The following KIAA0825 variants were observed in gnomAD, a reference collection of about 807,000 sequenced individuals.
The protein encoded by KIAA0825 is KIAA0825.
Under a neutral mutation model 147.6 loss-of-function variants are expected in KIAA0825, and 119 were observed. The ratio of observed to expected loss-of-function variants is 0.81; its 90% CI spans 0.69 to 0.94. The LOEUF (loss-of-function observed/expected upper bound fraction) is 0.94. KIAA0825 is among the 40% of genes least tolerant of loss of function. KIAA0825 has a pLI of 0.00. For synonymous variants in KIAA0825, 470 were observed against 518.1 expected, an observed-to-expected ratio of 0.91 and a Z score of 1.26; for missense variants, 1,381 against 1,472.7, an observed-to-expected ratio of 0.94 and a Z score of 1.02.
intron 20 of KIAA0825, among the ~76,000 whole-genome samples, chr5:94,338,008 A>G (rs1562391470): frequency 2.0e-5 from 3 of 152,226 alleles, no homozygotes; most frequent in African/African-American, 7.2e-5. Flanking sequence ...AAAGTGGTGA[A>G]AATGAAACCA....
At chr5:94,237,395 C>T (rs1370021178) in intron 20 of KIAA0825, among the ~76,000 whole-genome samples, 1 of 152,078 alleles carries the variant, frequency 6.6e-6, no homozygotes, top group East Asian at 1.9e-4. Context: ...CGTTGCAAAG[C>T]AGGCAAAGGG....
intron 3 of KIAA0825, among the ~76,000 whole-genome samples, chr5:94,529,200 GTA>G (rs1374107597): frequency 1.4e-5 from 2 of 145,364 alleles, no homozygotes; most frequent in Non-Finnish European, 3.0e-5. Context: ...ATATGAAGTA[GTA>G]TATATATCAT....
chr5:94,417,105 C>G (rs1396871066), intron 15 of KIAA0825, 96 bp downstream of exon 15: 3 of 1,157,450 alleles, frequency 2.6e-6, no homozygotes, highest in Admixed American at 2.1e-5. Context: ...ACAACAGATT[C>G]AGCAAAACCA....
At chr5:94,420,366 G>T (rs530664944) in intron 14 of KIAA0825, among the ~76,000 whole-genome samples, 20 of 152,218 alleles carry the variant, frequency 1.3e-4, no homozygotes, top group African/African-American at 4.8e-4. Flanking sequence ...CACAAAAATA[G>T]TAAGAATATG....
intron 5 of KIAA0825, among the ~76,000 whole-genome samples, chr5:94,503,586 T>C (rs930086647): frequency 9.2e-5 from 14 of 152,178 alleles, no homozygotes; most frequent in African/African-American, 3.4e-4. Flanking sequence ...CAGAATAGAA[T>C]GTTGCTGACA....
rs1489881536 is a variant in KIAA0825, at chr5:94,152,393, T to C, written c.*1614A>G. Among the ~76,000 whole-genome samples the C allele has an allele frequency of 6.6e-6, 1 of 152,178 alleles. No homozygotes were observed. The highest frequency in any genetic ancestry group is 1.5e-5 in the Non-Finnish European group (1 of 68,034). On this transcript the variant is annotated 3_prime_UTR_variant, in exon 21 of 21. Coordinates refer to ENST00000682413, the MANE Select transcript of KIAA0825 (RefSeq NM_001145678.3). ...TCATATGGTCTAAAATAGCCCATGATGTAAGGCTTCTGGGCCTGGTGTGGT... is the reference window on the plus strand; with the variant it reads ...TCATATGGTCTAAAATAGCCCATGACGTAAGGCTTCTGGGCCTGGTGTGGT...
chr5:94,279,037 T>G (rs1189536291), intron 20 of KIAA0825, among the ~76,000 whole-genome samples: 1 of 152,064 alleles, frequency 6.6e-6, no homozygotes, highest in Non-Finnish European at 1.5e-5. Context: ...ATTTTATACA[T>G]GAAACCTAAG....
intron 20 of KIAA0825, among the ~76,000 whole-genome samples, chr5:94,175,473 G>A (rs1167120077): frequency 1.3e-5 from 2 of 152,126 alleles, no homozygotes; most frequent in Non-Finnish European, 2.9e-5. Flanking sequence ...GTCAAGTACT[G>A]TGTTACCTCT....
chr5:94,565,979 A>G (rs1778642115), intron 2 of KIAA0825, among the ~76,000 whole-genome samples: 1 of 152,108 alleles, frequency 6.6e-6, no homozygotes, highest in African/African-American at 2.4e-5. Context: ...GTCTGCTTCT[A>G]TCAGTTCAAT....
At chr5:94,462,051 A>C (rs530616500) in intron 12 of KIAA0825, among the ~76,000 whole-genome samples, 1 of 152,108 alleles carries the variant, frequency 6.6e-6, no homozygotes, top group Admixed American at 6.6e-5. Context: ...GAGTATCAAA[A>C]AATCACTGCG....
At chr5:94,289,772 ACT>A (rs1202326907) in intron 20 of KIAA0825, among the ~76,000 whole-genome samples, 1 of 151,564 alleles carries the variant, frequency 6.6e-6, no homozygotes, top group Non-Finnish European at 1.5e-5. Context: ...AGGTGCAGTG[ACT>A]CACGTCTGCA....
At chr5:94,358,321 C>G (rs190897956) in intron 20 of KIAA0825, among the ~76,000 whole-genome samples, 67 of 152,206 alleles carry the variant, frequency 4.4e-4, no homozygotes, top group African/African-American at 1.5e-3. Context: ...AAGGGAGAGA[C>G]AGGGAACTGA....
intron 10 of KIAA0825, among the ~76,000 whole-genome samples, chr5:94,466,370 A>G (rs1391572192): frequency 6.6e-6 from 1 of 152,174 alleles, no homozygotes; most frequent in Non-Finnish European, 1.5e-5. Flanking sequence ...GTCAGAGTCG[A>G]GTTCAAATGG....
chr5:94,231,039 T>C (rs552120805), intron 20 of KIAA0825, among the ~76,000 whole-genome samples: 1 of 152,172 alleles, frequency 6.6e-6, no homozygotes, highest in East Asian at 1.9e-4. Flanking sequence ...CCTCTAGAAA[T>C]AAAGCTAGGA....
In KIAA0825 at chr5:94,454,159, G is replaced by A. The variant is rs184476049; in HGVS notation, c.2247-1090C>T. Among the ~76,000 whole-genome samples, 344 of 152,200 alleles carry A rather than the reference G, an allele frequency of 2.3e-3. 3 individuals carry two copies. Among genetic ancestry groups the A allele is most frequent in the African/African-American group, 7.4e-3 (307 of 41,536 alleles). ...CATAAAATCTTTAGCAGATAACTTGGCTAGTAACAAATGTATAACAACAGG... is the reference window on the plus strand; with the variant it reads ...CATAAAATCTTTAGCAGATAACTTGACTAGTAACAAATGTATAACAACAGG... On this transcript the variant is annotated intron_variant, in intron 12 of 20. Transcript: ENST00000682413.
chr5:94,474,279 T>A (rs75641559), intron 7 of KIAA0825, among the ~76,000 whole-genome samples: 3,051 of 152,278 alleles, frequency 0.02, 87 homozygotes, highest in African/African-American at 0.062. Flanking sequence ...TATTTATGAA[T>A]GTATATTTTC....
At chr5:94,303,779 A>G (rs1468696329) in intron 20 of KIAA0825, among the ~76,000 whole-genome samples, 16 of 152,032 alleles carry the variant, frequency 1.1e-4, no homozygotes, top group Non-Finnish European at 1.5e-5. Context: ...CAATCTCTCC[A>G]TGGTGAGGCT....
chr5:94,367,430 G>A (rs986659836), intron 20 of KIAA0825, among the ~76,000 whole-genome samples: 3 of 152,086 alleles, frequency 2.0e-5, no homozygotes, highest in Admixed American at 6.5e-5. Context: ...CCTGGGAGGC[G>A]GAGGTTGCAG....
In KIAA0825 at chr5:94,524,047, T is replaced by G. The variant is rs1768774961; in HGVS notation, c.183A>C (p.Pro61=). The G allele has an allele frequency of 5.6e-6, 9 of 1,609,820 alleles. No individual in the cohort carries two copies. The highest frequency in any genetic ancestry group is 7.6e-6 in the Non-Finnish European group (9 of 1,177,310). ...EIQSEINKQC[P]GVQLQTTTDC... The stretch of plus-strand genomic sequence containing the variant: ...CAGTTGTTGTTTGCAGCTGCACACC[T>G]GGACATTGTTTGTTAATTTCGGACT... The change falls in exon 4 of 21, where the codon CCA becomes CCC. Residue 61 remains proline, a synonymous_variant. Transcript: ENST00000682413.
Sources: gnomAD v4.1 joint callset for allele counts (sites outside exome capture counted in the v4.1 genomes callset) on GRCh38, gnomAD v4.1.1 for gene constraint, MANE v1.5 for transcripts, NCBI Gene and HGNC (gene_info 2026-07-23, HGNC 2026-07-21) for gene names.